Variants in DPP6 observed in about 807,000 individuals in gnomAD.
The protein encoded by DPP6 is dipeptidyl peptidase like 6, also known as A-type potassium channel modulatory protein DPP6.
A neutral mutation model predicts 122.6 loss-of-function variants in DPP6; 69 were observed. The ratio of observed to expected loss-of-function variants is 0.56; its 90% CI spans 0.46 to 0.69. The LOEUF (loss-of-function observed/expected upper bound fraction) is 0.69. Ranked by LOEUF, DPP6 falls within the 30% of genes least tolerant of loss-of-function variation. The probability of loss-of-function intolerance (pLI) is 0.00; values close to 1 mark genes in which losing one functional copy is unlikely to be tolerated. For synonymous variants in DPP6, 418 were observed against 433.1 expected (o/e 0.97, Z 0.43); for missense variants, 928 against 1,116.9 (o/e 0.83, Z 2.41).
In DPP6 at chr7:154,833,154, G is replaced by A. The variant is rs180753453; in HGVS notation, c.1667-20626G>A. Among the ~76,000 whole-genome samples the A allele has an allele frequency of 9.4e-4, 141 of 149,348 alleles. No homozygotes were observed. Among genetic ancestry groups the A allele is most frequent in the African/African-American group, 3.4e-3 (132 of 38,934 alleles). Reference sequence around the variant, plus strand: ...TGCTAAGTGGAGGCATCTCACTCACGCCATGCAAGCAGCCTGGGCTCCGAT... The same window carrying A: ...TGCTAAGTGGAGGCATCTCACTCACACCATGCAAGCAGCCTGGGCTCCGAT... On this transcript the variant is annotated intron_variant, in intron 16 of 25. Coordinates refer to ENST00000377770, the MANE Select transcript of DPP6 (RefSeq NM_130797.4). This position sits in a 1 kb window ranked among gnomAD's most constrained non-coding sequence, Gnocchi z 4.3.
chr7:154,323,652 A>G (rs1427629453), intron 1 of DPP6, among the ~76,000 whole-genome samples: 2 of 152,162 alleles, frequency 1.3e-5, no homozygotes, highest in Non-Finnish European at 2.9e-5. Flanking sequence ...ATAATATTAC[A>G]CTTGTCTCTG....
the DPP6 span, among the ~76,000 whole-genome samples, chr7:153,815,043 T>G: frequency 3.3e-5 from 5 of 152,184 alleles, no homozygotes; most frequent in Non-Finnish European, 7.3e-5. Flanking sequence ...CTTTGAAAAC[T>G]GGCACAAGAC....
At chr7:153,919,395 A>G (rs1800528822) in intron 1 of DPP6, among the ~76,000 whole-genome samples, 1 of 152,224 alleles carries the variant, frequency 6.6e-6, no homozygotes, top group Non-Finnish European at 1.5e-5. Flanking sequence ...AGCTGGTTCC[A>G]GGAGGAACCC....
rs780503688 is a variant in DPP6, at chr7:154,892,937, ATTG to A, written c.*460_*462del. 3.8e-6 allele frequency: 2 copies of A among 521,362 alleles called. No homozygotes were observed. The highest frequency in any genetic ancestry group is 2.8e-5 in the South Asian group (2 of 71,612). The allele number at this position is 521,362 out of a possible 1,614,324, so 32.3% of individuals were successfully genotyped here. ...CCATGGACGCAGCAGTTACAGCACC[ATTG>A]TTTTAGCAGTGCGTGTTCATATATG... On this transcript the variant is annotated 3_prime_UTR_variant, in exon 26 of 26. Coordinates refer to ENST00000377770, the MANE Select transcript of DPP6 (RefSeq NM_130797.4).
At chr7:154,502,887 C>A (rs1415534749) in intron 3 of DPP6, among the ~76,000 whole-genome samples, 1 of 152,168 alleles carries the variant, frequency 6.6e-6, no homozygotes, top group Non-Finnish European at 1.5e-5. Flanking sequence ...TGACAACATG[C>A]AAAAGAGTCT....
intron 2 of DPP6, among the ~76,000 whole-genome samples, chr7:154,458,533 T>C (rs1234791313): frequency 6.6e-6 from 1 of 152,222 alleles, no homozygotes; most frequent in Non-Finnish European, 1.5e-5. Context: ...CTGCTGACAC[T>C]TGTATTTGGG....
intron 1 of DPP6, among the ~76,000 whole-genome samples, chr7:154,288,110 G>A (rs1289670103): frequency 6.6e-6 from 1 of 152,158 alleles, no homozygotes; most frequent in Non-Finnish European, 1.5e-5. Flanking sequence ...CTGAATTGAA[G>A]TCCTTAGAGC....
chr7:153,821,406 A>G, the DPP6 span, among the ~76,000 whole-genome samples: 1 of 132,550 alleles, frequency 7.5e-6, no homozygotes, highest in South Asian at 2.8e-4. Context: ...GATGAATTAT[A>G]GTCTTTATTT....
chr7:154,172,736 G>A (rs141779647), intron 1 of DPP6, among the ~76,000 whole-genome samples: 3,958 of 152,002 alleles, frequency 0.026, 86 homozygotes, highest in Middle Eastern at 0.044. Context: ...GAGTAGCTGG[G>A]ACTACAGGTG....
At chr7:154,795,431 C>T (rs1341069918) in intron 11 of DPP6, among the ~76,000 whole-genome samples, 1 of 152,202 alleles carries the variant, frequency 6.6e-6, no homozygotes, top group Non-Finnish European at 1.5e-5. Context: ...GAGTGTTACT[C>T]AGTATTCCAG....
At chr7:154,849,555 T>C (rs962556953) in intron 16 of DPP6, among the ~76,000 whole-genome samples, 1 of 152,242 alleles carries the variant, frequency 6.6e-6, no homozygotes, top group African/African-American at 2.4e-5. Context: ...CCATCAGTTC[T>C]AACATTCCTT....
At chr7:154,181,914 A>C (rs931823461) in intron 1 of DPP6, among the ~76,000 whole-genome samples, 5 of 151,936 alleles carry the variant, frequency 3.3e-5, no homozygotes, top group African/African-American at 1.2e-4. Context: ...ACACCCAGCT[A>C]ATTTTTTTAT....
At chr7:154,124,975 C>A (rs940546162) in intron 1 of DPP6, among the ~76,000 whole-genome samples, 32 of 152,144 alleles carry the variant, frequency 2.1e-4, no homozygotes, top group Non-Finnish European at 1.2e-4. Flanking sequence ...CTTAGAGATC[C>A]CAACAGAGGG....
intron 3 of DPP6, among the ~76,000 whole-genome samples, chr7:154,489,136 G>C (rs536563139): frequency 2.6e-5 from 4 of 152,070 alleles, no homozygotes; most frequent in Non-Finnish European, 5.9e-5. Flanking sequence ...TTGTTTATGG[G>C]GTCTTCCAAC....
intron 1 of DPP6, among the ~76,000 whole-genome samples, chr7:154,356,598 C>A (rs1167361042): frequency 6.6e-6 from 1 of 151,692 alleles, no homozygotes; most frequent in Non-Finnish European, 1.5e-5. Flanking sequence ...AAAATTCTAA[C>A]TTATTATATC....
intron 1 of DPP6, among the ~76,000 whole-genome samples, chr7:154,313,619 A>G (rs1298032108): frequency 6.7e-6 from 1 of 148,280 alleles, no homozygotes; most frequent in Non-Finnish European, 1.5e-5. Flanking sequence ...CAAAGAGCAA[A>G]AAGAGTTTGT....
chr7:154,545,976 G>T (rs1489477998), intron 4 of DPP6, among the ~76,000 whole-genome samples: 1 of 152,188 alleles, frequency 6.6e-6, no homozygotes, highest in East Asian at 1.9e-4. Context: ...AAGCAACTTA[G>T]TGATACGTTT....
At chr7:154,506,608 C>A (rs1825684799) in intron 3 of DPP6, among the ~76,000 whole-genome samples, 1 of 152,108 alleles carries the variant, frequency 6.6e-6, no homozygotes, top group Admixed American at 6.5e-5. Flanking sequence ...CTCAGTGTTT[C>A]ATTAAGTTCC....
chr7:153,886,392 ATGGGCGC>A (rs1295646502), upstream of DPP6, among the ~76,000 whole-genome samples: 1 of 152,078 alleles, frequency 6.6e-6, no homozygotes, highest in Non-Finnish European at 1.5e-5. Flanking sequence ...GGTTAGAGAA[ATGGGCGC>A]TGGGATTTGG....
Sources: gnomAD v4.1 joint callset for allele counts (sites outside exome capture counted in the v4.1 genomes callset) on GRCh38, gnomAD v4.1.1 for gene constraint, Gnocchi (gnomAD v3.1) non-coding constraint, MANE v1.5 for transcripts, NCBI Gene and HGNC (gene_info 2026-07-23, HGNC 2026-07-21) for gene names.